COL22A1: variants seen among roughly 807,000 people sequenced by gnomAD.
The protein encoded by COL22A1 is collagen alpha-1(XXII) chain.
COL22A1 carries 221 observed loss-of-function variants against 248.9 expected under a neutral mutation model. That is an observed-to-expected ratio of 0.89 (90% CI 0.80 to 0.99). The LOEUF (loss-of-function observed/expected upper bound fraction) is 0.99, where lower values mean the gene tolerates loss of function less well. Among genes scored for constraint, COL22A1 ranks in the 50% least tolerant of loss-of-function variants. The probability of loss-of-function intolerance (pLI) is 0.00; values close to 1 mark genes in which losing one functional copy is unlikely to be tolerated. For missense variants in COL22A1, 2,240 were observed against 2,179.0 expected, an observed-to-expected ratio of 1.03 and a Z score of -0.56; for synonymous variants, 891 against 793.4, an observed-to-expected ratio of 1.12 and a Z score of -2.07.
intron 43 of COL22A1, among the ~76,000 whole-genome samples, chr8:138,661,259 G>T (rs1198817129): frequency 1.3e-5 from 2 of 152,216 alleles, no homozygotes; most frequent in African/African-American, 4.8e-5. Context: ...GCAGGAATAA[G>T]ACAGTAACCT....
intron 1 of COL22A1, among the ~76,000 whole-genome samples, chr8:138,890,578 G>A (rs1240471344): frequency 6.6e-6 from 1 of 152,094 alleles, no homozygotes; most frequent in Non-Finnish European, 1.5e-5. Flanking sequence ...CTCCCAAGTA[G>A]CTGTGACTAC....
chr8:138,815,559 C>G (rs763983365), intron 7 of COL22A1, among the ~76,000 whole-genome samples: 2 of 152,212 alleles, frequency 1.3e-5, no homozygotes, highest in Non-Finnish European at 2.9e-5. Context: ...TGTCCACACA[C>G]AGGCCCTCCC....
intron 8 of COL22A1, among the ~76,000 whole-genome samples, chr8:138,812,259 C>T (rs1818303053): frequency 6.6e-6 from 1 of 152,224 alleles, no homozygotes; most frequent in Admixed American, 6.5e-5. Flanking sequence ...CATCTGGCTG[C>T]ACATTCCCAG....
At chr8:138,888,938 T>C (rs1021758036) in intron 1 of COL22A1, among the ~76,000 whole-genome samples, 4 of 152,182 alleles carry the variant, frequency 2.6e-5, no homozygotes, top group Non-Finnish European at 5.9e-5. Context: ...GATGCTGTTA[T>C]AGTATCATAT....
intron 52 of COL22A1, among the ~76,000 whole-genome samples, chr8:138,620,941 GCATCCATCCATCCATCCATCCATCCATC>G (rs754305152): frequency 7.9e-6 from 1 of 126,742 alleles, no homozygotes; most frequent in Non-Finnish European, 1.7e-5. Context: ...AACCAACCAA[GCATCCATCCATCCATCCATCCATCCATC>G]CATCCATCCA....
chr8:138,793,894 G>A (rs1362648233), intron 12 of COL22A1, among the ~76,000 whole-genome samples: 1 of 152,208 alleles, frequency 6.6e-6, no homozygotes, highest in Admixed American at 6.5e-5. Context: ...TAGTTGAGAG[G>A]AAAGGCTGGT....
intron 49 of COL22A1, among the ~76,000 whole-genome samples, chr8:138,632,729 T>G (rs957858879): frequency 9.9e-5 from 15 of 152,202 alleles, no homozygotes; most frequent in Non-Finnish European, 2.2e-4. Context: ...GCAATCAGAT[T>G]TGTCTCTATC....
intron 56 of COL22A1, among the ~76,000 whole-genome samples, chr8:138,613,601 C>T (rs1245475509): frequency 6.6e-6 from 1 of 151,818 alleles, no homozygotes; most frequent in Non-Finnish European, 1.5e-5. Flanking sequence ...AGCACAGCCT[C>T]GGGGCAAGGT....
At chr8:138,732,969 G>A (rs891281178) in intron 23 of COL22A1, among the ~76,000 whole-genome samples, 38 of 152,122 alleles carry the variant, frequency 2.5e-4, no homozygotes, top group African/African-American at 8.7e-4. Flanking sequence ...AAATTCCTTC[G>A]TGACTTGGAC....
intron 29 of COL22A1, 56 bp from the exon 30 acceptor site, chr8:138,715,791 G>T: frequency 1.6e-6 from 2 of 1,263,712 alleles, no homozygotes; most frequent in Non-Finnish European, 1.1e-6. Flanking sequence ...CTGAATTCCT[G>T]CCTCTTCAAG....
chr8:138,796,387 T>TC, intron 12 of COL22A1, among the ~76,000 whole-genome samples: 2 of 139,294 alleles, frequency 1.4e-5, no homozygotes, highest in South Asian at 4.6e-4. Context: ...CTTGCTACTT[T>TC]CCTTTTTTTT....
At chr8:138,612,784 A>C (rs1818971451) in intron 56 of COL22A1, among the ~76,000 whole-genome samples, 1 of 151,890 alleles carries the variant, frequency 6.6e-6, no homozygotes, top group African/African-American at 2.4e-5. Context: ...AAAATAAAAA[A>C]ATAATCAGCG....
rs776984157 is a variant in COL22A1, at chr8:138,720,795, G to A, written c.2302-3C>T. On this transcript the variant is annotated splice_region_variant and splice_polypyrimidine_tract_variant and intron_variant, in intron 26 of 64. Transcript: ENST00000303045. ...TCCCCTCTTTCTCCTGGTTCTCCCT[G>A]GAAGGAATACAGAGCAAAGTTAACA... 2 of 1,612,418 alleles carry A rather than the reference G, an allele frequency of 1.2e-6. No homozygotes were observed. Among genetic ancestry groups the A allele is most frequent in the Middle Eastern group, 1.7e-4 (1 of 6,056 alleles).
At chr8:138,888,385 G>A (rs1436740442) in intron 1 of COL22A1, among the ~76,000 whole-genome samples, 1 of 152,180 alleles carries the variant, frequency 6.6e-6, no homozygotes, top group African/African-American at 2.4e-5. Flanking sequence ...TTGGAAGGCT[G>A]AGCAGGACTC....
intron 22 of COL22A1, among the ~76,000 whole-genome samples, chr8:138,744,130 A>T (rs1831921872): frequency 6.6e-6 from 1 of 152,192 alleles, no homozygotes; most frequent in Non-Finnish European, 1.5e-5. Context: ...GTAGCCTAGG[A>T]TCCAAACAAC....
intron 30 of COL22A1, among the ~76,000 whole-genome samples, chr8:138,705,234 C>A (rs1360112897): frequency 2.0e-5 from 3 of 152,140 alleles, no homozygotes; most frequent in Non-Finnish European, 4.4e-5. Context: ...GAGAACTTCC[C>A]CAACTTAGCG....
intron 26 of COL22A1, 75 bp from the exon 27 acceptor site, chr8:138,720,867 G>T: frequency 8.1e-7 from 1 of 1,239,004 alleles, no homozygotes; most frequent in Non-Finnish European, 1.2e-6. Flanking sequence ...ACTAGGCACA[G>T]GTTGGAAGGA....
intron 3 of COL22A1, among the ~76,000 whole-genome samples, chr8:138,866,940 C>T (rs962533402): frequency 1.3e-5 from 2 of 152,196 alleles, no homozygotes; most frequent in Non-Finnish European, 2.9e-5. Flanking sequence ...CCACTCAGCA[C>T]TCCAGGGAGG....
At chr8:138,887,866 G>A (rs1011449439) in intron 1 of COL22A1, among the ~76,000 whole-genome samples, 2 of 152,132 alleles carry the variant, frequency 1.3e-5, no homozygotes, top group African/African-American at 4.8e-5. Context: ...GGAGTGTGCG[G>A]GTGCTCCTGT....
Sources: gnomAD v4.1 joint callset for allele counts (sites outside exome capture counted in the v4.1 genomes callset) on GRCh38, gnomAD v4.1.1 for gene constraint, MANE v1.5 for transcripts, NCBI Gene and HGNC (gene_info 2026-07-23, HGNC 2026-07-21) for gene names.